Variants in TMEM132D observed in about 807,000 individuals in gnomAD.
TMEM132D encodes transmembrane protein 132D.
TMEM132D carries 21 observed loss-of-function variants against 62.3 expected under a neutral mutation model. The ratio of observed to expected loss-of-function variants is 0.34; its 90% CI spans 0.24 to 0.49. The LOEUF is 0.49. Ranked by LOEUF, TMEM132D falls within the 20% of genes least tolerant of loss-of-function variation. The pLI is 0.99. For missense variants in TMEM132D, 1,346 were observed against 1,402.8 expected, an observed-to-expected ratio of 0.96 and a Z score of 0.65; for synonymous variants, 621 against 575.6, an observed-to-expected ratio of 1.08 and a Z score of -1.13.
At chr12:129,095,418 G>A (rs968370533) in intron 5 of TMEM132D, among the ~76,000 whole-genome samples, 5 of 146,788 alleles carry the variant, frequency 3.4e-5, no homozygotes, top group East Asian at 2.1e-4. Flanking sequence ...GAAGTGGTGC[G>A]ATCTTGGCTC....
At chr12:129,812,171 C>T (rs1172441566) in intron 1 of TMEM132D, among the ~76,000 whole-genome samples, 2 of 151,768 alleles carry the variant, frequency 1.3e-5, no homozygotes, top group Non-Finnish European at 1.5e-5. Flanking sequence ...CAAATGCGCA[C>T]ATTCCCATAA....
intron 3 of TMEM132D, among the ~76,000 whole-genome samples, chr12:129,420,315 T>TTG (rs1872272537): frequency 1.7e-5 from 1 of 58,134 alleles, no homozygotes; most frequent in African/African-American, 4.9e-5. Flanking sequence ...TGTTTTTTTT[T>TTG]TTTTTTTTTT....
rs56676234 is a variant in TMEM132D, at chr12:129,077,052, G to GCAAA, written c.2115+1478_2115+1481dup. ...CAAGTGTTTTCTAACCCAAAACTCT[G>GCAAA]CAAACAAAGACTGTAGTATAAGGAC... On this transcript the variant is annotated intron_variant, in intron 8 of 8. Coordinates refer to ENST00000422113, the MANE Select transcript of TMEM132D (RefSeq NM_133448.3). Among the ~76,000 whole-genome samples, 14 of 152,330 alleles carry GCAAA rather than the reference G, an allele frequency of 9.2e-5. No individual in the cohort carries two copies. The East Asian group carries it at 9.6e-4, about 10-fold the overall frequency.
At chr12:129,087,642 C>T (rs549091665) in intron 5 of TMEM132D, among the ~76,000 whole-genome samples, 5 of 152,226 alleles carry the variant, frequency 3.3e-5, no homozygotes, top group African/African-American at 1.2e-4. Flanking sequence ...GAAGCAGATT[C>T]CCCACTAGAG....
chr12:129,830,485 A>C (rs1026487558), intron 1 of TMEM132D, among the ~76,000 whole-genome samples: 2 of 152,158 alleles, frequency 1.3e-5, no homozygotes, highest in African/African-American at 4.8e-5. Flanking sequence ...GAAACTCAAA[A>C]GGATGCAAGC....
intron 5 of TMEM132D, among the ~76,000 whole-genome samples, chr12:129,133,396 C>G (rs988686984): frequency 6.6e-6 from 1 of 152,218 alleles, no homozygotes; most frequent in African/African-American, 2.4e-5. Flanking sequence ...CACGTATAAT[C>G]AAATATTATT....
intron 3 of TMEM132D, among the ~76,000 whole-genome samples, chr12:129,516,199 A>G (rs1448737222): frequency 1.3e-5 from 2 of 152,184 alleles, no homozygotes; most frequent in Non-Finnish European, 2.9e-5. Context: ...GTGAACCCAC[A>G]TTAACATTCA....
intron 4 of TMEM132D, among the ~76,000 whole-genome samples, chr12:129,337,424 G>C (rs1332334385): frequency 7.5e-6 from 1 of 133,906 alleles, no homozygotes; most frequent in African/African-American, 2.8e-5. Context: ...TATAGATATA[G>C]ATATAGATAC....
At chr12:129,216,196 C>T (rs1478680973) in intron 4 of TMEM132D, among the ~76,000 whole-genome samples, 1 of 152,132 alleles carries the variant, frequency 6.6e-6, no homozygotes, top group East Asian at 1.9e-4. Flanking sequence ...CTTGGGTTTG[C>T]CCTAGATTTG....
chr12:129,603,252 A>G (rs1878529155), intron 2 of TMEM132D, among the ~76,000 whole-genome samples: 1 of 152,188 alleles, frequency 6.6e-6, no homozygotes, highest in Non-Finnish European at 1.5e-5. Context: ...CACTGTTACC[A>G]TATCATACAG....
At chr12:129,697,921 A>T (rs1278126802) in intron 2 of TMEM132D, among the ~76,000 whole-genome samples, 1 of 152,092 alleles carries the variant, frequency 6.6e-6, no homozygotes, top group Non-Finnish European at 1.5e-5. Flanking sequence ...ACACACACAC[A>T]CACAAGCTGC....
intron 1 of TMEM132D, among the ~76,000 whole-genome samples, chr12:129,887,833 C>G (rs1168475128): frequency 6.6e-6 from 1 of 151,720 alleles, no homozygotes; most frequent in African/African-American, 2.4e-5. Context: ...AAACTACAGG[C>G]AAAAAACAAC....
intron 5 of TMEM132D, among the ~76,000 whole-genome samples, chr12:129,166,373 C>T (rs138500382): frequency 5.5e-4 from 83 of 152,080 alleles, no homozygotes; most frequent in African/African-American, 1.9e-3. Flanking sequence ...GGCGGAGCTC[C>T]ATCTAAAGGG....
intron 3 of TMEM132D, among the ~76,000 whole-genome samples, chr12:129,412,953 G>T (rs1401140781): frequency 1.3e-5 from 2 of 152,162 alleles, no homozygotes; most frequent in Admixed American, 6.5e-5. Flanking sequence ...GAACTCATGT[G>T]CCCGTTCTGA....
chr12:129,524,530 T>C (rs10847892), intron 3 of TMEM132D, among the ~76,000 whole-genome samples: 38,841 of 152,090 alleles, frequency 0.26, 5,502 homozygotes, highest in Non-Finnish European at 0.32. Context: ...AATTCACATC[T>C]TGATGGGCAT....
chr12:129,492,334 A>G (rs1196988468), intron 3 of TMEM132D, among the ~76,000 whole-genome samples: 1 of 152,222 alleles, frequency 6.6e-6, no homozygotes, highest in Non-Finnish European at 1.5e-5. Flanking sequence ...TTATTTTAAG[A>G]AAACATGAGA....
intron 2 of TMEM132D, among the ~76,000 whole-genome samples, chr12:129,674,524 C>A (rs1047806517): frequency 1.3e-5 from 2 of 152,064 alleles, no homozygotes; most frequent in African/African-American, 4.8e-5. Context: ...CTGAACTCTA[C>A]ATATGTTTTA....
At chr12:129,230,038 G>C (rs1879592973) in intron 4 of TMEM132D, among the ~76,000 whole-genome samples, 1 of 152,246 alleles carries the variant, frequency 6.6e-6, no homozygotes, top group African/African-American at 2.4e-5. Context: ...TAATTGAGAA[G>C]AGGGTAGATG....
chr12:129,146,569 G>C (rs1461023640), intron 5 of TMEM132D, among the ~76,000 whole-genome samples: 3 of 152,102 alleles, frequency 2.0e-5, no homozygotes, highest in Non-Finnish European at 1.5e-5. Flanking sequence ...GCCTGGGTGA[G>C]AGGTGCTTCG....
Sources: gnomAD v4.1 joint callset for allele counts (sites outside exome capture counted in the v4.1 genomes callset) on GRCh38, gnomAD v4.1.1 for gene constraint, MANE v1.5 for transcripts, NCBI Gene and HGNC (gene_info 2026-07-23, HGNC 2026-07-21) for gene names.